Variants in NRP1 observed in about 807,000 individuals in gnomAD.
NRP1 encodes the protein neuropilin 1.
In NRP1, 35 loss-of-function variants were observed where a neutral mutation model predicts 106.7. The observed-to-expected ratio is 0.33, with a 90% CI of 0.25 to 0.43. The LOEUF is 0.43. NRP1 is among the 20% of genes least tolerant of loss of function. The pLI is 1.00. For synonymous variants in NRP1, 437 were observed against 417.9 expected (o/e 1.05, Z -0.56); for missense variants, 1,024 against 1,170.4 (o/e 0.87, Z 1.83).
intron 4 of NRP1, among the ~76,000 whole-genome samples, chr10:33,258,484 T>C (rs550966413): frequency 6.6e-6 from 1 of 152,042 alleles, no homozygotes; most frequent in Non-Finnish European, 1.5e-5. Flanking sequence ...ATGAAGAAAA[T>C]GAGGAGGATG....
intron 3 of NRP1, among the ~76,000 whole-genome samples, chr10:33,266,003 C>T (rs904817859): frequency 6.6e-6 from 1 of 152,044 alleles, no homozygotes; most frequent in African/African-American, 2.4e-5. Flanking sequence ...GAAACAGTTA[C>T]CCTGGAGACC....
At chr10:33,284,407 C>A (rs1299044614) in intron 2 of NRP1, among the ~76,000 whole-genome samples, 1 of 152,100 alleles carries the variant, frequency 6.6e-6, no homozygotes, top group East Asian at 1.9e-4. Flanking sequence ...TACTTTTCAG[C>A]ATTTTAGTTC....
At position 33,182,767 on chromosome 10, in the gene NRP1, T is replaced by C; in HGVS notation, c.2432-19A>G. 6.2e-7 allele frequency: 1 copy of C among 1,602,298 alleles called. No homozygotes were observed. Among genetic ancestry groups the C allele is most frequent in the Non-Finnish European group, 8.5e-7 (1 of 1,170,706 alleles). On this transcript the variant is annotated intron_variant, in intron 15 of 16. Coordinates refer to ENST00000374867, the MANE Select transcript of NRP1 (RefSeq NM_003873.7). ...GCTGGTTCTGACAAGTCAAACAAAA[T>C]TGAAAGAGATATTTGAACTGCCATC...
chr10:33,221,607 T>C (rs1839244282), intron 8 of NRP1, 112 bp downstream of exon 8: 1 of 1,197,222 alleles, frequency 8.4e-7, no homozygotes, highest in African/African-American at 1.5e-5. Flanking sequence ...AATTGTCAAA[T>C]AAAAATGATT....
chr10:33,333,019 G>T (rs1454590337), intron 1 of NRP1, among the ~76,000 whole-genome samples: 1 of 152,126 alleles, frequency 6.6e-6, no homozygotes, highest in Non-Finnish European at 1.5e-5. Context: ...GGAGGACAGG[G>T]TTACTATAAT....
chr10:33,194,938 A>G (rs547583366), intron 12 of NRP1, among the ~76,000 whole-genome samples: 1 of 152,364 alleles, frequency 6.6e-6, no homozygotes, highest in East Asian at 1.9e-4. Context: ...TTACGTTTTC[A>G]AAATATTACC....
At position 33,193,272 on chromosome 10, in the gene NRP1, G is replaced by A. The variant is rs149618887; in HGVS notation, c.1925-854C>T. Reference sequence around the variant, plus strand: ...ATGGTGTTTTTAAAACCCACAGCCTGACATTTTACACAGCCTCTTTTTGAA... The same window carrying A: ...ATGGTGTTTTTAAAACCCACAGCCTAACATTTTACACAGCCTCTTTTTGAA... On this transcript the variant is annotated intron_variant, in intron 12 of 16. Transcript: ENST00000374867. 1.4e-4 allele frequency among the ~76,000 whole-genome samples: 21 copies of A among 152,208 alleles called. No individual in the cohort carries two copies. The East Asian group carries it at 4.1e-3, about 29-fold the overall frequency.
intron 6 of NRP1, among the ~76,000 whole-genome samples, chr10:33,237,640 T>G (rs1192215104): frequency 7.2e-6 from 1 of 138,728 alleles, no homozygotes; most frequent in East Asian, 2.2e-4. Context: ...AGTGCAACGG[T>G]GGATCTCAGC....
At chr10:33,314,207 C>T (rs1199787737) in intron 2 of NRP1, among the ~76,000 whole-genome samples, 1 of 152,064 alleles carries the variant, frequency 6.6e-6, no homozygotes, top group Non-Finnish European at 1.5e-5. Context: ...CCTCCACAGC[C>T]TCCCGAGTAA....
intron 2 of NRP1, among the ~76,000 whole-genome samples, chr10:33,318,321 T>C (rs1847185697): frequency 6.6e-6 from 1 of 152,160 alleles, no homozygotes; most frequent in Admixed American, 6.5e-5. Context: ...ATGACCCATC[T>C]CCTGTCTCAC....
chr10:33,216,419 C>T (rs1186368790), intron 8 of NRP1, among the ~76,000 whole-genome samples: 2 of 151,154 alleles, frequency 1.3e-5, no homozygotes, highest in South Asian at 2.1e-4. Context: ...CAGGTGTGAG[C>T]CACGGCGCCT....
At chr10:33,297,865 G>A (rs1845525374) in intron 2 of NRP1, among the ~76,000 whole-genome samples, 1 of 151,928 alleles carries the variant, frequency 6.6e-6, no homozygotes, top group South Asian at 2.1e-4. Flanking sequence ...ACAGTTAGAT[G>A]GGGGTATGGT....
At chr10:33,182,872 G>T in intron 15 of NRP1, 124 bp from the exon 16 acceptor site, 1 of 669,162 alleles carries the variant, frequency 1.5e-6, no homozygotes, top group Non-Finnish European at 2.5e-6. Context: ...CGTGTCTACT[G>T]GGCTCCTTTT....
chr10:33,210,504 G>T (rs192803755), intron 9 of NRP1, among the ~76,000 whole-genome samples: 12 of 152,316 alleles, frequency 7.9e-5, no homozygotes, highest in Non-Finnish European at 1.3e-4. Flanking sequence ...GCAGAGCTGG[G>T]AAGAATATTA....
intron 6 of NRP1, among the ~76,000 whole-genome samples, chr10:33,229,901 T>A (rs566045538): frequency 6.6e-6 from 1 of 152,174 alleles, no homozygotes; most frequent in Non-Finnish European, 1.5e-5. Context: ...GCTTTAAAAC[T>A]CTGCAGATTC....
chr10:33,310,422 T>C (rs1450840658), intron 2 of NRP1, among the ~76,000 whole-genome samples: 1 of 152,166 alleles, frequency 6.6e-6, no homozygotes, highest in East Asian at 1.9e-4. Flanking sequence ...AGCTAATTTT[T>C]GCATTTTTAG....
At chr10:33,192,030 T>C (rs1362285326) in intron 13 of NRP1, among the ~76,000 whole-genome samples, 1 of 151,284 alleles carries the variant, frequency 6.6e-6, no homozygotes, top group Non-Finnish European at 1.5e-5. Flanking sequence ...TCATAGATCC[T>C]TGCCCAATTT....
At chr10:33,186,564 C>T in intron 13 of NRP1, 76 bp from the exon 14 acceptor site, 1 of 1,511,802 alleles carries the variant, frequency 6.6e-7, no homozygotes, top group Non-Finnish European at 8.9e-7. Context: ...TCAAGTCTCA[C>T]TAATCAAAAG....
At chr10:33,313,850 A>C (rs1356410330) in intron 2 of NRP1, among the ~76,000 whole-genome samples, 1 of 152,178 alleles carries the variant, frequency 6.6e-6, no homozygotes, top group Non-Finnish European at 1.5e-5. Flanking sequence ...AATCAAGAGA[A>C]GCTTCTGCCT....
Sources: allele counts gnomAD v4.1 joint callset (sites outside exome capture counted in the v4.1 genomes callset), GRCh38; gene constraint gnomAD v4.1.1; transcripts MANE v1.5; gene names NCBI Gene and HGNC (gene_info 2026-07-23, HGNC 2026-07-21).